CSPP1: variants seen among roughly 807,000 people sequenced by gnomAD.
The protein encoded by CSPP1 is centrosome and spindle pole-associated protein 1.
Under a neutral mutation model 164.4 loss-of-function variants are expected in CSPP1, and 126 were observed. That is an observed-to-expected ratio of 0.77 (90% CI 0.66 to 0.89). The LOEUF is 0.89. Ranked by LOEUF, CSPP1 falls within the 40% of genes least tolerant of loss-of-function variation. CSPP1 has a pLI of 0.00. For synonymous variants in CSPP1, 472 were observed against 476.7 expected (o/e 0.99, Z 0.13); for missense variants, 1,395 against 1,449.8 (o/e 0.96, Z 0.61).
intron 18 of CSPP1, among the ~76,000 whole-genome samples, chr8:67,151,748 CT>C (rs933598801): frequency 2.0e-5 from 3 of 151,864 alleles, no homozygotes; most frequent in East Asian, 1.9e-4. Context: ...TTAAAACTTC[CT>C]TTTTTTTGTG....
At chr8:67,112,467 T>C (rs1427958797) in intron 10 of CSPP1, among the ~76,000 whole-genome samples, 2 of 152,146 alleles carry the variant, frequency 1.3e-5, no homozygotes, top group African/African-American at 2.4e-5. Flanking sequence ...ATCCTATAAA[T>C]TTAACATTTC....
intron 24 of CSPP1, among the ~76,000 whole-genome samples, chr8:67,171,082 G>A (rs1210603529): frequency 4.8e-5 from 7 of 146,412 alleles, no homozygotes; most frequent in Non-Finnish European, 9.0e-5. Flanking sequence ...TACTGTGCCC[G>A]GCCAATTTTT....
chr8:67,123,001 A>T (rs1227907494), intron 15 of CSPP1: 1 of 152,324 alleles, frequency 6.6e-6, no homozygotes, highest in East Asian at 1.9e-4. Flanking sequence ...GGCTCAAGCA[A>T]TCCTCCTACC....
At chr8:67,118,140 A>G in intron 13 of CSPP1, 108 bp from the exon 14 acceptor site, 1 of 1,144,946 alleles carries the variant, frequency 8.7e-7, no homozygotes, top group Non-Finnish European at 1.3e-6. Flanking sequence ...CATTTTCTAA[A>G]GTAGTGATAG....
intron 12 of CSPP1, 72 bp from the exon 13 acceptor site, chr8:67,115,842 G>A: frequency 9.2e-7 from 1 of 1,089,510 alleles, no homozygotes; most frequent in Non-Finnish European, 1.4e-6. Flanking sequence ...GGGATAGGAG[G>A]TCTTTTGAGG....
At chr8:67,182,690 T>C (rs1368701424) in intron 28 of CSPP1, among the ~76,000 whole-genome samples, 1 of 152,242 alleles carries the variant, frequency 6.6e-6, no homozygotes, top group Non-Finnish European at 1.5e-5. Context: ...GGGTGTGACG[T>C]GGCATCTCAT....
chr8:67,122,043 T>A (rs1167174046), intron 15 of CSPP1, among the ~76,000 whole-genome samples: 1 of 151,730 alleles, frequency 6.6e-6, no homozygotes, highest in African/African-American at 2.4e-5. Flanking sequence ...TTATTATTTA[T>A]TTATTTATTT....
At chr8:67,159,852 T>TTTTCTTTCTTTCTTTCTTTCTTTC in intron 21 of CSPP1, among the ~76,000 whole-genome samples, 1 of 47,596 alleles carries the variant, frequency 2.1e-5, no homozygotes, top group Admixed American at 2.6e-4. Flanking sequence ...CTTTCTTTCT[T>TTTTCTTTCTTTCTTTCTTTCTTTC]TTTCTTTCTT....
intron 18 of CSPP1, among the ~76,000 whole-genome samples, chr8:67,152,508 A>G (rs946637203): frequency 7.2e-5 from 11 of 152,128 alleles, no homozygotes; most frequent in African/African-American, 1.9e-4. Context: ...CTTTCTTTGT[A>G]TATAGCAAGT....
intron 1 of CSPP1, among the ~76,000 whole-genome samples, chr8:67,073,319 G>T (rs918523632): frequency 1.3e-5 from 2 of 152,148 alleles, no homozygotes; most frequent in Non-Finnish European, 2.9e-5. Context: ...TATTTCTGGT[G>T]AGAATGCATA....
In CSPP1 at chr8:67,161,876, A is replaced by C; in HGVS notation, c.2604A>C (p.Arg868Ser). The change falls in exon 22 of 31, where the codon AGA becomes AGC. Residue 868 changes from arginine (R) to serine (S), a missense_variant. Coordinates refer to ENST00000678616, the MANE Select transcript of CSPP1 (RefSeq NM_001382391.1). ...LQNKIASKLQRPPSVDSIIRS... is the reference protein window; with the variant it reads ...LQNKIASKLQSPPSVDSIIRS... Reference sequence around the variant, plus strand: ...ACAAAATTGCAAGCAAACTCCAAAGACCTCCTTCAGTTGACAGCATCATAC... The same window carrying C: ...ACAAAATTGCAAGCAAACTCCAAAGCCCTCCTTCAGTTGACAGCATCATAC... The C allele has an allele frequency of 6.2e-7, 1 of 1,612,984 alleles. No individual in the cohort carries two copies. Among genetic ancestry groups the C allele is most frequent in the South Asian group, 1.1e-5 (1 of 91,056 alleles).
intron 28 of CSPP1, among the ~76,000 whole-genome samples, chr8:67,180,804 A>C (rs1832816415): frequency 6.6e-6 from 1 of 152,120 alleles, no homozygotes; most frequent in Non-Finnish European, 1.5e-5. Context: ...CAAAAAAGTC[A>C]TAAGACTTTT....
At chr8:67,160,709 T>A (rs1329461746) in intron 21 of CSPP1, among the ~76,000 whole-genome samples, 3 of 151,934 alleles carry the variant, frequency 2.0e-5, no homozygotes, top group African/African-American at 7.2e-5. Context: ...ATATATATTT[T>A]TGTCTATTCC....
At chr8:67,192,159 G>A (rs1836509945) in intron 29 of CSPP1, among the ~76,000 whole-genome samples, 1 of 149,388 alleles carries the variant, frequency 6.7e-6, no homozygotes, top group Non-Finnish European at 1.5e-5. Context: ...TGCACCCTCT[G>A]CCCCAGTGGG....
At chr8:67,193,655 CT>C (rs1236186336) in intron 30 of CSPP1, 53 bp downstream of exon 30, 3 of 1,506,548 alleles carry the variant, frequency 2.0e-6, no homozygotes, top group African/African-American at 2.8e-5. Context: ...AACTTTTAAA[CT>C]TTCTTACTCA....
chr8:67,093,392 G>C, intron 5 of CSPP1, 151 bp from the exon 6 acceptor site: 1 of 550,922 alleles, frequency 1.8e-6, no homozygotes, highest in Non-Finnish European at 3.2e-6. Flanking sequence ...ATGCCTTTCA[G>C]TGACATCTGT....
In CSPP1 at chr8:67,095,436, AAGACGACT is replaced by A; in HGVS notation, c.631_638del (p.Arg211GlyfsTer9). 6.2e-7 allele frequency: 1 copy of A among 1,613,558 alleles called. No individual in the cohort carries two copies. The highest frequency in any genetic ancestry group is 8.5e-7 in the Non-Finnish European group (1 of 1,179,864). ...AGGCATATGAAGAACTTCTGAACCA[AAGACGACT>A]AGAGGAGGACAGATACCGACAACTA... On this transcript the variant is annotated frameshift_variant, in exon 7 of 31. Coordinates refer to ENST00000678616, the MANE Select transcript of CSPP1 (RefSeq NM_001382391.1). LOFTEE classifies it high-confidence loss of function.
intron 18 of CSPP1, among the ~76,000 whole-genome samples, chr8:67,152,086 C>CAA (rs1185447488): frequency 2.2e-4 from 13 of 58,012 alleles, no homozygotes; most frequent in South Asian, 6.2e-4. Context: ...GACTCCATCT[C>CAA]AAAAAAAAAA....
chr8:67,116,361 C>T (rs2129550951), intron 13 of CSPP1, among the ~76,000 whole-genome samples: 1 of 152,102 alleles, frequency 6.6e-6, no homozygotes, highest in South Asian at 2.1e-4. Flanking sequence ...TTACTAAGTA[C>T]ATTTTAGTAT....
Sources: allele counts gnomAD v4.1 joint callset (sites outside exome capture counted in the v4.1 genomes callset), GRCh38; gene constraint gnomAD v4.1.1; transcripts MANE v1.5; gene names NCBI Gene and HGNC (gene_info 2026-07-23, HGNC 2026-07-21).